ZNF581: variants seen among roughly 807,000 people sequenced by gnomAD.
ZNF581 encodes zinc finger protein 581.
ZNF581 carries 1 observed loss-of-function variant against 1.2 expected under a neutral mutation model. The observed-to-expected ratio is 0.83, with a 90% CI of 0.30 to 3.95. ZNF581 has a LOEUF of 3.95. Among genes scored for constraint, ZNF581 ranks in the 30% most tolerant of loss-of-function variants. The pLI is 0.18. For missense variants in ZNF581, 273 were observed against 274.6 expected (o/e 0.99, Z 0.04); for synonymous variants, 105 against 109.2 (o/e 0.96, Z 0.24).
chr19:55,641,030 T>G, upstream of ZNF581: 3 of 984,974 alleles, frequency 3.0e-6, no homozygotes, highest in Non-Finnish European at 3.6e-6. Flanking sequence ...CGCCAACCCC[T>G]CGCACCCCCG....
At chr19:55,635,489 TCGGTCACTCCGGC>T in exon 1 of ZNF581, 1 of 176,928 alleles carries the variant, frequency 5.7e-6, no homozygotes, top group South Asian at 1.9e-4. Flanking sequence ...CGGGGGTCAA[TCGGTCACTCCGGC>T]CGGAGATCTG....
chr19:55,636,613 G>A (rs1440023980), upstream of ZNF581, among the ~76,000 whole-genome samples: 1 of 152,178 alleles, frequency 6.6e-6, no homozygotes, highest in African/African-American at 2.4e-5. Flanking sequence ...TGACCAGGAT[G>A]GAGCTGGGCC....
At chr19:55,636,446 T>C (rs760168452), upstream of ZNF581, among the ~76,000 whole-genome samples, 28 of 152,160 alleles carry the variant, frequency 1.8e-4, no homozygotes, top group Non-Finnish European at 2.8e-4. Flanking sequence ...GTCTTGGGGT[T>C]GAGCAGGGGT....
rs1982756373 is a variant in ZNF581, at chr19:55,644,854, G to C, written c.283G>C (p.Val95Leu). 2 of 1,613,330 alleles carry C rather than the reference G, an allele frequency of 1.2e-6. No homozygotes were observed. Among genetic ancestry groups the C allele is most frequent in the Admixed American group, 3.3e-5 (2 of 59,996 alleles). ...CTACAGCTGCCCCGTGTGCTCAAGG[G>C]TCTTCGAGTACATGTCCTACCTTCA... Reference protein sequence around the residue: ...KCYSCPVCSRVFEYMSYLQRH... With the variant: ...KCYSCPVCSRLFEYMSYLQRH... Residue 95 changes from valine (V) to leucine (L), a missense_variant, in exon 2 of 2, where the codon GTC becomes CTC. Transcript: ENST00000270451. This position sits in a 1 kb window ranked among gnomAD's most constrained non-coding sequence, Gnocchi z 4.3.
At chr19:55,638,391 A>G (rs961293535), upstream of ZNF581, among the ~76,000 whole-genome samples, 1 of 152,122 alleles carries the variant, frequency 6.6e-6, no homozygotes, top group Non-Finnish European at 1.5e-5. Flanking sequence ...GGCGCCTGCC[A>G]CCACGCCCAG....
At position 55,645,402 on chromosome 19, in the gene ZNF581, TAA is replaced by T. The variant is rs111612304; in HGVS notation, c.*239_*240del. On this transcript the variant is annotated 3_prime_UTR_variant, in exon 2 of 2. Coordinates refer to ENST00000270451, the MANE Select transcript of ZNF581 (RefSeq NM_016535.4). ...CTACACAGAATGGAGTCCTCTAGCC[TAA>T]AGATATCAGCTGTTCCATGGCAGAG... 2.4e-6 allele frequency: 1 copy of T among 422,672 alleles called. No individual in the cohort carries two copies. The highest frequency in any genetic ancestry group is 2.0e-5 in the African/African-American group (1 of 49,506). 26.2% of individuals were successfully genotyped at this position (422,672 alleles called of 1,614,324 possible).
At chr19:55,640,461 C>A (rs1224644840), upstream of ZNF581, 3 of 985,378 alleles carry the variant, frequency 3.0e-6, no homozygotes, top group African/African-American at 5.2e-5. Flanking sequence ...TATCACACCT[C>A]CCCACCTGCG....
upstream of ZNF581, chr19:55,641,026 C>G: frequency 2.0e-6 from 2 of 985,336 alleles, no homozygotes; most frequent in Non-Finnish European, 1.2e-6. Context: ...ACTCCGCCAA[C>G]CCCTCGCACC....
At chr19:55,635,554 G>A (rs1254518365) in exon 1 of ZNF581, 6 of 532,700 alleles carry the variant, frequency 1.1e-5, no homozygotes, top group Non-Finnish European at 1.4e-5. Flanking sequence ...GCATCTGATT[G>A]CCAGCCTCGC....
upstream of ZNF581, chr19:55,640,115 C>T (rs1156862231): frequency 2.9e-5 from 29 of 985,274 alleles, no homozygotes; most frequent in Non-Finnish European, 3.4e-5. Context: ...TCTTCTGTCC[C>T]CCACTCTCAG....
chr19:55,640,695 C>T (rs1982402094), upstream of ZNF581: 13 of 985,378 alleles, frequency 1.3e-5, no homozygotes, highest in Non-Finnish European at 1.6e-5. Context: ...CTCCCGCCCT[C>T]TACCTCGGTG....
At chr19:55,640,207 G>C (rs1047269683), upstream of ZNF581, 2 of 985,358 alleles carry the variant, frequency 2.0e-6, no homozygotes, top group African/African-American at 3.5e-5. Flanking sequence ...CAGCTGCCCC[G>C]AGTGCTGCCG....
intron 1 of ZNF581, chr19:55,635,861 A>G (rs932659902): frequency 1.8e-5 from 5 of 284,508 alleles, no homozygotes; most frequent in African/African-American, 9.1e-5. Context: ...CACCTAGCCA[A>G]CTTGAGAGGT....
upstream of ZNF581, among the ~76,000 whole-genome samples, chr19:55,637,555 A>G (rs1209234669): frequency 6.6e-6 from 1 of 152,004 alleles, no homozygotes; most frequent in East Asian, 1.9e-4. Context: ...CACAGCAACA[A>G]AAAAAACGAG....
chr19:55,637,875 A>G (rs1431093771), upstream of ZNF581, among the ~76,000 whole-genome samples: 5 of 152,152 alleles, frequency 3.3e-5, no homozygotes, highest in Admixed American at 6.5e-5. Context: ...GCGTTTAGCA[A>G]TGGCTGTTCC....
At chr19:55,640,080 T>G, upstream of ZNF581, 1 of 975,632 alleles carries the variant, frequency 1.0e-6, no homozygotes, top group Non-Finnish European at 1.2e-6. Context: ...CCCAGGGTCT[T>G]GGGGCTCGCT....
upstream of ZNF581, chr19:55,643,061 T>C (rs974250678): frequency 1.5e-6 from 2 of 1,340,962 alleles, no homozygotes; most frequent in Admixed American, 4.1e-5. Flanking sequence ...CCTGCCCGTC[T>C]CAGGGCCACC....
upstream of ZNF581, among the ~76,000 whole-genome samples, chr19:55,638,286 T>C (rs1421079084): frequency 6.6e-6 from 1 of 152,180 alleles, no homozygotes; most frequent in East Asian, 1.9e-4. Context: ...GTTGCCAGGC[T>C]GGAGTGCAGT....
upstream of ZNF581, chr19:55,642,483 TC>T: frequency 1.4e-6 from 2 of 1,422,422 alleles, no homozygotes; most frequent in Non-Finnish European, 1.8e-6. Context: ...TAATCTCCCC[TC>T]CGCCGCTCCC....
Sources: gnomAD v4.1 joint callset for allele counts (sites outside exome capture counted in the v4.1 genomes callset) on GRCh38, gnomAD v4.1.1 for gene constraint, Gnocchi (gnomAD v3.1) non-coding constraint, MANE v1.5 for transcripts, NCBI Gene and HGNC (gene_info 2026-07-23, HGNC 2026-07-21) for gene names.